COMT: variants seen among roughly 807,000 people sequenced by gnomAD.
The protein encoded by COMT is catechol O-methyltransferase.
In COMT, 13 loss-of-function variants were observed where a neutral mutation model predicts 18.9. The observed-to-expected ratio is 0.69, with a 90% CI of 0.45 to 1.09. The LOEUF (loss-of-function observed/expected upper bound fraction) is 1.09. Among genes scored for constraint, COMT ranks in the 50% least tolerant of loss-of-function variants. COMT has a pLI of 0.00. For missense variants in COMT, 329 were observed against 361.8 expected (o/e 0.91, Z 0.73); for synonymous variants, 150 against 160.9 (o/e 0.93, Z 0.51).
chr22:19,964,616 G>C, intron 5 of COMT: 1 of 599,396 alleles, frequency 1.7e-6, no homozygotes. Context: ...AAACGGCACA[G>C]GACCAAGGAG....
chr22:19,960,824 T>C (rs1251571024), intron 1 of COMT, among the ~76,000 whole-genome samples: 3 of 152,250 alleles, frequency 2.0e-5, no homozygotes, highest in African/African-American at 4.8e-5. Context: ...TAGCCCTTGG[T>C]CTTACACATC....
chr22:19,960,661 G>T (rs995766371), intron 1 of COMT, among the ~76,000 whole-genome samples: 1 of 152,248 alleles, frequency 6.6e-6, no homozygotes, highest in Non-Finnish European at 1.5e-5. Context: ...CTGTGGACAG[G>T]GGCACCCCCA....
intron 3 of COMT, chr22:19,963,301 G>A: frequency 1.9e-5 from 11 of 591,446 alleles, no homozygotes; most frequent in East Asian, 5.6e-5. Flanking sequence ...GGGTGGAAAA[G>A]ATAGGGACCA....
rs1941891285 is a variant in COMT at position 19,949,419 on chromosome 22, C to A, written c.-92+7522C>A. Among the ~76,000 whole-genome samples the A allele has an allele frequency of 2.0e-5, 3 of 152,134 alleles. No homozygotes were observed. The South Asian group carries it at 6.2e-4, about 32-fold the overall frequency. ...TTTTCCTCTTTTTGTAATTTTACTT[C>A]AGGACAAAATTACATCCCTTTCTTT... On this transcript the variant is annotated intron_variant, in intron 1 of 5. Coordinates refer to ENST00000361682, the MANE Select transcript of COMT (RefSeq NM_000754.4).
chr22:19,968,592 A>T lies in COMT; in HGVS notation c.672A>T (p.Pro224=). The T allele has an allele frequency of 6.2e-7, 1 of 1,614,060 alleles. No individual in the cohort carries two copies. Among genetic ancestry groups the T allele is most frequent in the South Asian group, 1.1e-5 (1 of 91,082 alleles). The change falls in exon 6 of 6, where the codon CCA becomes CCT. Residue 224 remains proline, a synonymous_variant. Transcript: ENST00000361682. ...TVLLADNVIC[P]GAPDFLAHVR... is the part of the protein sequence containing the mutation. ...TACTGGCTGACAACGTGATCTGCCC[A>T]GGTGCGCCAGACTTCCTAGCACACG... is the stretch of plus-strand genomic sequence containing the variant.
Position 19,963,920 on chromosome 22 carries a change from AC to A in COMT, c.483+168del, listed in dbSNP as rs954144671. 1.1e-4 allele frequency: 125 copies of A among 1,176,578 alleles called. 1 individual carries two copies. Among genetic ancestry groups the A allele is most frequent in the Admixed American group, 1.4e-4 (7 of 50,126 alleles). 72.9% of individuals were successfully genotyped at this position (1,176,578 alleles called of 1,614,324 possible). A position where few individuals can be genotyped will look rare whatever the true frequency, so the allele number is the denominator to read the frequency against. ...CTTCCCAGCCTGGGGCTGAGGAAAG[AC>A]CCCCCCAGCAGCTCAGTGAGGGTCT... On this transcript the variant is annotated intron_variant, in intron 4 of 5. Transcript: ENST00000361682.
At chr22:19,967,134 C>A (rs1048641685) in intron 5 of COMT, 3 of 1,293,656 alleles carry the variant, frequency 2.3e-6, no homozygotes, top group Non-Finnish European at 3.1e-6. Context: ...TTCTGCCCTT[C>A]CCTCCTTCTT....
intron 5 of COMT, among the ~76,000 whole-genome samples, chr22:19,966,810 T>C (rs1942425011): frequency 6.6e-6 from 1 of 152,156 alleles, no homozygotes; most frequent in South Asian, 2.1e-4. Flanking sequence ...AGTGGCGCGA[T>C]CTTGGCTCCC....
At chr22:19,967,285 A>G in intron 5 of COMT, 1 of 1,157,250 alleles carries the variant, frequency 8.6e-7, no homozygotes, top group Non-Finnish European at 1.2e-6. Context: ...TCACTCATGC[A>G]TTCCCTGGCC....
intron 1 of COMT, among the ~76,000 whole-genome samples, chr22:19,956,851 C>T (rs1202474496): frequency 1.3e-5 from 2 of 152,162 alleles, no homozygotes; most frequent in Non-Finnish European, 2.9e-5. Flanking sequence ...ATTGGGATTA[C>T]AGGTGTGGCC....
At chr22:19,956,070 C>T (rs557166004) in intron 1 of COMT, among the ~76,000 whole-genome samples, 2 of 151,978 alleles carry the variant, frequency 1.3e-5, no homozygotes, top group South Asian at 4.2e-4. Context: ...AACTGATGGA[C>T]CCCAGATCTT....
chr22:19,945,886 C>T (rs572989425), intron 1 of COMT, among the ~76,000 whole-genome samples: 86 of 152,250 alleles, frequency 5.6e-4, no homozygotes, highest in African/African-American at 1.9e-3. Flanking sequence ...AGGATGGTCT[C>T]GCTCTCCAGA....
At chr22:19,966,195 T>A (rs368936053) in intron 5 of COMT, among the ~76,000 whole-genome samples, 2 of 152,124 alleles carry the variant, frequency 1.3e-5, no homozygotes, top group African/African-American at 4.8e-5. Flanking sequence ...TAAACGCACA[T>A]CTGCACACTC....
chr22:19,962,940 G>C, intron 3 of COMT, 125 bp downstream of exon 3: 1 of 1,276,660 alleles, frequency 7.8e-7, no homozygotes, highest in Non-Finnish European at 1.1e-6. Context: ...GATATGCCCA[G>C]ATAGGGCTGG....
At chr22:19,943,368 C>A (rs1941777373) in intron 1 of COMT, among the ~76,000 whole-genome samples, 1 of 152,140 alleles carries the variant, frequency 6.6e-6, no homozygotes, top group Admixed American at 6.6e-5. Context: ...AAATAACAGG[C>A]CAGGCACAGT....
intron 1 of COMT, 55 bp downstream of exon 1, chr22:19,941,952 T>C (rs2146121151): frequency 1.4e-6 from 1 of 725,534 alleles, no homozygotes; most frequent in South Asian, 2.8e-5. Context: ...GGCGGGGGCC[T>C]TCAGACCTAG....
chr22:19,949,602 AT>A (rs1030919075), intron 1 of COMT, among the ~76,000 whole-genome samples: 4 of 147,788 alleles, frequency 2.7e-5, no homozygotes, highest in African/African-American at 5.0e-5. Flanking sequence ...AGTAACCGGT[AT>A]TTTTTTTTTA....
At chr22:19,963,997 G>T in intron 4 of COMT, 171 bp from the exon 5 acceptor site, 1 of 1,361,494 alleles carries the variant, frequency 7.3e-7, no homozygotes, top group Non-Finnish European at 1.0e-6. Context: ...CAGGGACAGA[G>T]TGGGGCCTTG....
Position 19,964,272 on chromosome 22 carries a change from G to A in COMT, c.588G>A (p.Arg196=), listed in dbSNP as rs929105404. The A allele has an allele frequency of 2.2e-5, 36 of 1,614,048 alleles. No individual in the cohort carries two copies. The highest frequency in any genetic ancestry group is 3.0e-5 in the Non-Finnish European group (35 of 1,180,040). Residue 196 remains arginine (R), a synonymous_variant, in exon 5 of 6, where the codon CGG becomes CGA. Transcript: ENST00000361682. ...DMVFLDHWKD[R]YLPDTLLLEE... ...TCTTCCTCGACCACTGGAAGGACCG[G>A]TACCTGCCGGACACGCTTCTCTTGG...
Sources: allele counts gnomAD v4.1 joint callset (sites outside exome capture counted in the v4.1 genomes callset), GRCh38; gene constraint gnomAD v4.1.1; transcripts MANE v1.5; gene names NCBI Gene and HGNC (gene_info 2026-07-23, HGNC 2026-07-21).